Variants in NRG3 observed in about 807,000 individuals in gnomAD.
NRG3 encodes pro-neuregulin-3, membrane-bound isoform.
Under a neutral mutation model 66.9 loss-of-function variants are expected in NRG3, and 31 were observed. That is an observed-to-expected ratio of 0.46 (90% CI 0.35 to 0.63). The LOEUF is 0.63. Among genes scored for constraint, NRG3 ranks in the 20% least tolerant of loss-of-function variants. The probability of loss-of-function intolerance (pLI) is 0.00; values close to 1 mark genes in which losing one functional copy is unlikely to be tolerated. For missense variants in NRG3, 910 were observed against 878.9 expected (o/e 1.04, Z -0.45); for synonymous variants, 393 against 359.4 (o/e 1.09, Z -1.06).
At chr10:82,489,171 A>G (rs1842908723) in intron 2 of NRG3, among the ~76,000 whole-genome samples, 1 of 152,198 alleles carries the variant, frequency 6.6e-6, no homozygotes, top group Admixed American at 6.5e-5. Flanking sequence ...TGTGATTAAA[A>G]TTGGATGTGA....
intron 1 of NRG3, among the ~76,000 whole-genome samples, chr10:82,155,627 AG>A (rs1438344342): frequency 7.2e-5 from 11 of 151,810 alleles, no homozygotes; most frequent in African/African-American, 2.2e-4. Flanking sequence ...ATGATGGTAG[AG>A]TGAAGCACAT....
rs182715758 is a variant in NRG3 at position 82,788,919 on chromosome 10, C to T, written c.1027+50269C>T. 1.1e-3 allele frequency among the ~76,000 whole-genome samples: 164 copies of T among 151,934 alleles called. 1 individual carries two copies. The highest frequency in any genetic ancestry group is 3.0e-3 in the African/African-American group (125 of 41,430). On this transcript the variant is annotated intron_variant, in intron 3 of 8. Coordinates refer to ENST00000372141, the MANE Select transcript of NRG3 (RefSeq NM_001010848.4). ...AAAATAATATCCTAATGTATGTATA[C>T]GCTACATATTTATCAGTTTATAAAC...
intron 4 of NRG3, among the ~76,000 whole-genome samples, chr10:82,919,242 A>T (rs1316778820): frequency 6.6e-6 from 1 of 152,190 alleles, no homozygotes; most frequent in East Asian, 1.9e-4. Flanking sequence ...ATATACATTT[A>T]GCATTGTACA....
intron 1 of NRG3, among the ~76,000 whole-genome samples, chr10:82,261,357 G>A (rs1350460954): frequency 6.6e-6 from 1 of 152,140 alleles, no homozygotes; most frequent in Admixed American, 6.5e-5. Flanking sequence ...GTTTCCTGAG[G>A]CCTCCCCAGC....
chr10:82,486,449 C>G (rs1842685378), intron 2 of NRG3, among the ~76,000 whole-genome samples: 1 of 150,966 alleles, frequency 6.6e-6, no homozygotes, highest in African/African-American at 2.4e-5. Flanking sequence ...GAGTCTTGCT[C>G]TGTCGCCCAG....
Position 82,738,623 on chromosome 10 carries a change from A to G in NRG3, c.1000A>G (p.Lys334Glu). The change falls in exon 3 of 9, where the codon AAA becomes GAA. Residue 334 changes from lysine (K) to glutamate (E), a missense_variant. Physicochemically the swap from Lys to Glu is moderately conservative, Grantham distance 56 (BLOSUM62 1). Transcript: ENST00000372141. ...AGTCCGTTGTGATCAATTTCTGCCGAAAACTGATTCCATCTTATCGGATCC... is the reference window on the plus strand; with the variant it reads ...AGTCCGTTGTGATCAATTTCTGCCGGAAACTGATTCCATCTTATCGGATCC... Reference protein sequence around the residue: ...QGVRCDQFLPKTDSILSDPTD... With the variant: ...QGVRCDQFLPETDSILSDPTD... 6.2e-7 allele frequency: 1 copy of G among 1,614,184 alleles called. No homozygotes were observed.
chr10:82,444,642 C>T (rs2136484277), intron 2 of NRG3, among the ~76,000 whole-genome samples: 1 of 152,176 alleles, frequency 6.6e-6, no homozygotes, highest in South Asian at 2.1e-4. Context: ...ACATGTAGAG[C>T]TACTAGAAGT....
intron 1 of NRG3, among the ~76,000 whole-genome samples, chr10:81,973,280 G>A (rs1275523115): frequency 2.0e-5 from 3 of 152,164 alleles, no homozygotes; most frequent in African/African-American, 4.8e-5. Context: ...TGGTGTATGT[G>A]TACCACATTT....
At chr10:82,482,369 G>A (rs1476749502) in intron 2 of NRG3, among the ~76,000 whole-genome samples, 1 of 152,150 alleles carries the variant, frequency 6.6e-6, no homozygotes, top group East Asian at 1.9e-4. Flanking sequence ...CCCATCTACT[G>A]CAAAGACCTG....
intron 4 of NRG3, among the ~76,000 whole-genome samples, chr10:82,908,156 C>T (rs913521443): frequency 6.6e-6 from 1 of 152,218 alleles, no homozygotes; most frequent in South Asian, 2.1e-4. Context: ...AAAACCAACT[C>T]CCATTCCTTT....
chr10:82,327,088 G>A (rs2081910943), intron 1 of NRG3, among the ~76,000 whole-genome samples: 1 of 152,178 alleles, frequency 6.6e-6, no homozygotes, highest in Non-Finnish European at 1.5e-5. Context: ...CCTGGGCTGA[G>A]GGAATGCATA....
At chr10:82,929,938 A>G (rs1466542624) in intron 4 of NRG3, among the ~76,000 whole-genome samples, 2 of 151,756 alleles carry the variant, frequency 1.3e-5, no homozygotes, top group Non-Finnish European at 2.9e-5. Flanking sequence ...ACAAAGAGGG[A>G]TTTTGATGGG....
intron 1 of NRG3, among the ~76,000 whole-genome samples, chr10:82,142,922 GTTTTTTTT>G (rs11286244): frequency 8.4e-6 from 1 of 118,968 alleles, no homozygotes; most frequent in African/African-American, 3.1e-5. Context: ...ACCTGGCTAA[GTTTTTTTT>G]TTTTTTTTTT....
At chr10:82,896,280 T>G (rs141074619) in intron 4 of NRG3, among the ~76,000 whole-genome samples, 330 of 152,322 alleles carry the variant, frequency 2.2e-3, no homozygotes, top group African/African-American at 7.4e-3. Flanking sequence ...CACCATTTAC[T>G]CATGAAAAAC....
intron 4 of NRG3, among the ~76,000 whole-genome samples, chr10:82,924,294 C>A (rs1173452818): frequency 5.3e-5 from 8 of 151,996 alleles, no homozygotes; most frequent in Non-Finnish European, 8.8e-5. Flanking sequence ...TATTACTATG[C>A]GGACTTGATG....
At chr10:82,707,674 G>A (rs994344877) in intron 2 of NRG3, among the ~76,000 whole-genome samples, 1 of 151,386 alleles carries the variant, frequency 6.6e-6, no homozygotes, top group African/African-American at 2.4e-5. Flanking sequence ...GATTACAGGT[G>A]TGAGCCACTG....
chr10:82,197,030 C>T (rs756241437), intron 1 of NRG3, among the ~76,000 whole-genome samples: 5 of 152,162 alleles, frequency 3.3e-5, no homozygotes, highest in Non-Finnish European at 5.9e-5. Context: ...AGTCCATAAA[C>T]GCAGTGTACA....
At chr10:81,913,811 C>T (rs978841539) in intron 1 of NRG3, among the ~76,000 whole-genome samples, 1 of 151,966 alleles carries the variant, frequency 6.6e-6, no homozygotes, top group Admixed American at 6.6e-5. Flanking sequence ...CCTTTTCTTT[C>T]CAGAAGGGAG....
At chr10:82,661,251 C>G (rs1456362427) in intron 2 of NRG3, among the ~76,000 whole-genome samples, 4 of 152,100 alleles carry the variant, frequency 2.6e-5, no homozygotes, top group Non-Finnish European at 5.9e-5. Flanking sequence ...CTCAAGTCCT[C>G]TCTCATGGAG....
Sources: allele counts gnomAD v4.1 joint callset (sites outside exome capture counted in the v4.1 genomes callset), GRCh38; gene constraint gnomAD v4.1.1; transcripts MANE v1.5; gene names NCBI Gene and HGNC (gene_info 2026-07-23, HGNC 2026-07-21).